Variants in NKAIN3 observed in about 807,000 individuals in gnomAD.
The protein encoded by NKAIN3 is sodium/potassium transporting ATPase interacting 3.
A neutral mutation model predicts 30.2 loss-of-function variants in NKAIN3; 25 were observed. The observed-to-expected ratio is 0.83, with a 90% confidence interval of 0.60 to 1.16. The LOEUF (loss-of-function observed/expected upper bound fraction) is 1.16. Ranked by LOEUF, NKAIN3 falls within the 50% of genes most tolerant of loss-of-function variation. The probability of loss-of-function intolerance (pLI) is 0.00; values close to 1 mark genes in which losing one functional copy is unlikely to be tolerated. For missense variants in NKAIN3, 225 were observed against 254.1 expected (o/e 0.89, Z 0.78); for synonymous variants, 91 against 89.6 (o/e 1.02, Z -0.09).
At chr8:62,602,115 C>T (rs1323861053) in intron 3 of NKAIN3, among the ~76,000 whole-genome samples, 2 of 151,988 alleles carry the variant, frequency 1.3e-5, no homozygotes, top group East Asian at 3.9e-4. Flanking sequence ...TCTAAACTAC[C>T]AAGTAATTGC....
In NKAIN3 at chr8:62,622,725, T is replaced by C. The variant is rs1586019410; in HGVS notation, c.273+32931T>C. Among the ~76,000 whole-genome samples, 3 of 152,008 alleles carry C rather than the reference T, an allele frequency of 2.0e-5. No homozygotes were observed. The East Asian group carries it at 5.8e-4, about 29-fold the overall frequency. On this transcript the variant is annotated intron_variant, in intron 3 of 6. Transcript: ENST00000623646. The stretch of plus-strand genomic sequence containing the variant: ...CTATTTTCTCCCAGTGTGTAGCTTG[T>C]TTTTTCATCCTCTTAACAGGGCCTG...
intron 1 of NKAIN3, among the ~76,000 whole-genome samples, chr8:62,252,134 A>G (rs1207127731): frequency 2.0e-5 from 3 of 151,742 alleles, no homozygotes; most frequent in Non-Finnish European, 4.4e-5. Flanking sequence ...ACTGAAACCA[A>G]CTGTTTTTTT....
At chr8:62,373,267 G>A (rs1015861892) in intron 1 of NKAIN3, among the ~76,000 whole-genome samples, 2 of 152,152 alleles carry the variant, frequency 1.3e-5, no homozygotes, top group Admixed American at 6.5e-5. Flanking sequence ...TATGTTGATA[G>A]CTGTACCATC....
intron 1 of NKAIN3, among the ~76,000 whole-genome samples, chr8:62,282,374 C>T (rs1813232642): frequency 6.6e-6 from 1 of 152,126 alleles, no homozygotes; most frequent in African/African-American, 2.4e-5. Flanking sequence ...CGAATGTAGT[C>T]AGGTGTGGGG....
At chr8:62,803,060 C>T (rs1435969663) in intron 4 of NKAIN3, among the ~76,000 whole-genome samples, 1 of 152,108 alleles carries the variant, frequency 6.6e-6, no homozygotes, top group Admixed American at 6.6e-5. Flanking sequence ...ACAAGAAGAG[C>T]TAACTATCCT....
chr8:62,530,835 TC>T lies in NKAIN3; in HGVS notation c.55-48703del, dbSNP rs1808464401. ...TTGTATTTTTAGTAGAAACGGGATT[TC>T]ACCATGTTAGCCTAGCCAGTCTGGT... On this transcript the variant is annotated intron_variant, in intron 1 of 6. Transcript: ENST00000623646. Among the ~76,000 whole-genome samples, 4 of 152,014 alleles carry T rather than the reference TC, an allele frequency of 2.6e-5. No individual in the cohort carries two copies. In the South Asian group the frequency reaches 8.3e-4, roughly 32 times the overall value.
chr8:62,848,159 TG>T (rs1819749283), intron 4 of NKAIN3, among the ~76,000 whole-genome samples: 1 of 152,122 alleles, frequency 6.6e-6, no homozygotes, highest in South Asian at 2.1e-4. Context: ...TTGGTTATTT[TG>T]GCTCTTTTCT....
chr8:62,962,208 T>G (rs1207700664), intron 6 of NKAIN3, among the ~76,000 whole-genome samples: 1 of 152,198 alleles, frequency 6.6e-6, no homozygotes, highest in Non-Finnish European at 1.5e-5. Flanking sequence ...AAAAGACACT[T>G]AAGTAAAAAT....
rs1323090324 is a variant in NKAIN3, at chr8:62,575,043, T to G, written c.55-4496T>G. ...TGAATAGGGAGAAACTGAAAGTGTT[T>G]CCTCTAAAACCTGGAACTCAACAAG... On this transcript the variant is annotated intron_variant, in intron 1 of 6. Transcript: ENST00000623646. 7.9e-5 allele frequency among the ~76,000 whole-genome samples: 12 copies of G among 152,204 alleles called. No homozygotes were observed. The South Asian group carries it at 2.3e-3, about 29-fold the overall frequency.
At chr8:62,941,878 C>T (rs1463715815) in intron 5 of NKAIN3, among the ~76,000 whole-genome samples, 1 of 152,050 alleles carries the variant, frequency 6.6e-6, no homozygotes, top group African/African-American at 2.4e-5. Context: ...ACTTTCACCA[C>T]TTCTATTCAA....
At chr8:62,715,833 T>A (rs1334861189) in intron 3 of NKAIN3, among the ~76,000 whole-genome samples, 2 of 152,128 alleles carry the variant, frequency 1.3e-5, no homozygotes, top group Non-Finnish European at 2.9e-5. Context: ...GCTGGGACAC[T>A]CTGGAGCTGA....
chr8:62,840,427 A>G (rs1048071921), intron 4 of NKAIN3, among the ~76,000 whole-genome samples: 1 of 126,212 alleles, frequency 7.9e-6, no homozygotes, highest in African/African-American at 2.8e-5. Flanking sequence ...AGGGTCACAA[A>G]AAAAAAAAAA....
rs527844084 is a variant in NKAIN3, at chr8:62,412,976, T to C, written c.54+163849T>C. 4.5e-5 allele frequency among the ~76,000 whole-genome samples: 6 copies of C among 134,730 alleles called. No individual in the cohort carries two copies. In the South Asian group the frequency reaches 1.2e-3, roughly 26 times the overall value. The allele number at this position is 134,730 out of a possible 152,430, so 88.4% of individuals were successfully genotyped here. A position where few individuals can be genotyped will look rare whatever the true frequency, so the allele number is the denominator to read the frequency against. Reference sequence around the variant, plus strand: ...ACAACAAAATAACCTCATGAAAACATGGGGAAAGAACATGAACAGAAACTT... The same window carrying C: ...ACAACAAAATAACCTCATGAAAACACGGGGAAAGAACATGAACAGAAACTT... On this transcript the variant is annotated intron_variant, in intron 1 of 6. Coordinates refer to ENST00000623646, the MANE Select transcript of NKAIN3 (RefSeq NM_001304533.3).
intron 4 of NKAIN3, among the ~76,000 whole-genome samples, chr8:62,786,363 A>G (rs1347874720): frequency 1.3e-5 from 2 of 152,076 alleles, no homozygotes; most frequent in African/African-American, 4.8e-5. Context: ...TCATTTTTAT[A>G]TATTGCAGGG....
At chr8:62,794,959 T>TCC (rs1403671670) in intron 4 of NKAIN3, among the ~76,000 whole-genome samples, 1 of 152,104 alleles carries the variant, frequency 6.6e-6, no homozygotes, top group Non-Finnish European at 1.5e-5. Flanking sequence ...GATCTTTCCA[T>TCC]CCCCTTCACA....
intron 1 of NKAIN3, among the ~76,000 whole-genome samples, chr8:62,432,947 C>T (rs13254910): frequency 0.42 from 63,184 of 151,866 alleles, 15,144 homozygotes; most frequent in Non-Finnish European, 0.53. Flanking sequence ...ATGTCTGAAC[C>T]AAGGAAGTGA....
At position 62,794,388 on chromosome 8, in the gene NKAIN3, T is replaced by A. The variant is rs1471509; in HGVS notation, c.471+47259T>A. 5.2e-3 allele frequency among the ~76,000 whole-genome samples: 795 copies of A among 152,140 alleles called. 5 individuals carry two copies. Among genetic ancestry groups the A allele is most frequent in the Non-Finnish European group, 8.4e-3 (572 of 68,020 alleles). On this transcript the variant is annotated intron_variant, in intron 4 of 6. Transcript: ENST00000623646. ...AATCCATTCAACAGTCACTAATGAA[T>A]GCTATTAATAGATAAAATGTCATCA...
chr8:62,986,913 T>C (rs920364549), downstream of NKAIN3, among the ~76,000 whole-genome samples: 1 of 152,226 alleles, frequency 6.6e-6, no homozygotes, highest in African/African-American at 2.4e-5. Flanking sequence ...GTTATCAGCC[T>C]TGTCTCTTAC....
chr8:62,308,515 A>C (rs1378713116), intron 1 of NKAIN3, among the ~76,000 whole-genome samples: 3 of 150,716 alleles, frequency 2.0e-5, no homozygotes, highest in Non-Finnish European at 2.9e-5. Flanking sequence ...TTATGTTACC[A>C]AAAGCAAGTG....
Sources: gnomAD v4.1 joint callset for allele counts (sites outside exome capture counted in the v4.1 genomes callset) on GRCh38, gnomAD v4.1.1 for gene constraint, MANE v1.5 for transcripts, NCBI Gene and HGNC (gene_info 2026-07-23, HGNC 2026-07-21) for gene names.